RBFOX2: variants seen among roughly 807,000 people sequenced by gnomAD.
The protein encoded by RBFOX2 is RNA binding fox-1 homolog 2, also known as RNA binding protein fox-1 homolog 2.
RBFOX2 carries 10 observed loss-of-function variants against 49.1 expected under a neutral mutation model. The ratio of observed to expected loss-of-function variants is 0.20; its 90% CI spans 0.13 to 0.35. The LOEUF is 0.35. Among genes scored for constraint, RBFOX2 ranks in the 10% least tolerant of loss-of-function variants. The probability of loss-of-function intolerance (pLI) is 1.00; values close to 1 mark genes in which losing one functional copy is unlikely to be tolerated. For synonymous variants in RBFOX2, 183 were observed against 187.4 expected, an observed-to-expected ratio of 0.98 and a Z score of 0.19; for missense variants, 323 against 486.9, an observed-to-expected ratio of 0.66 and a Z score of 3.17.
At chr22:35,957,119 G>A (rs760252662) in intron 1 of RBFOX2, among the ~76,000 whole-genome samples, 3 of 152,162 alleles carry the variant, frequency 2.0e-5, no homozygotes, top group Admixed American at 2.0e-4. Context: ...ACTGATCTAC[G>A]TCTCTGGTAA....
At chr22:36,013,276 A>G (rs2146403542) in intron 1 of RBFOX2, among the ~76,000 whole-genome samples, 1 of 152,272 alleles carries the variant, frequency 6.6e-6, no homozygotes, top group Admixed American at 6.5e-5. Flanking sequence ...CTCTAAAAGA[A>G]AAAGATTGTT....
chr22:35,942,644 C>T (rs201578049), upstream of RBFOX2, among the ~76,000 whole-genome samples: 8 of 149,638 alleles, frequency 5.3e-5, no homozygotes, highest in East Asian at 1.2e-3. Context: ...TGGCTAGCTA[C>T]ACAGAAGGCT....
intron 1 of RBFOX2, among the ~76,000 whole-genome samples, chr22:35,817,323 C>T (rs1953318516): frequency 6.6e-6 from 1 of 151,816 alleles, no homozygotes; most frequent in African/African-American, 2.4e-5. Flanking sequence ...ACTAAAAATA[C>T]AAAAACAGCC....
intron 1 of RBFOX2, among the ~76,000 whole-genome samples, chr22:36,005,796 C>T (rs2058597091): frequency 6.6e-6 from 1 of 152,210 alleles, no homozygotes; most frequent in Admixed American, 6.5e-5. Flanking sequence ...TAGAGCCAAT[C>T]GTTTCTCATA....
At chr22:35,851,347 G>T (rs1037254715) in intron 1 of RBFOX2, among the ~76,000 whole-genome samples, 1 of 152,092 alleles carries the variant, frequency 6.6e-6, no homozygotes, top group African/African-American at 2.4e-5. Flanking sequence ...AACATTTATT[G>T]AACATCTATT....
chr22:35,851,083 C>T (rs1240469269), intron 1 of RBFOX2, among the ~76,000 whole-genome samples: 2 of 152,138 alleles, frequency 1.3e-5, no homozygotes, highest in Non-Finnish European at 2.9e-5. Context: ...CTCCATGCCC[C>T]GCCCCCATCA....
chr22:35,797,378 G>A (rs1948976151), intron 2 of RBFOX2, among the ~76,000 whole-genome samples: 1 of 152,110 alleles, frequency 6.6e-6, no homozygotes, highest in South Asian at 2.1e-4. Context: ...CAATCACACA[G>A]TACTTTTCCT....
At chr22:35,891,376 G>T (rs1569462858) in intron 1 of RBFOX2, among the ~76,000 whole-genome samples, 3 of 151,852 alleles carry the variant, frequency 2.0e-5, no homozygotes, top group South Asian at 4.2e-4. Context: ...CTCATGATCC[G>T]CCATCCTCGG....
At chr22:35,972,135 C>T (rs2056912456) in intron 1 of RBFOX2, among the ~76,000 whole-genome samples, 1 of 151,822 alleles carries the variant, frequency 6.6e-6, no homozygotes, top group Non-Finnish European at 1.5e-5. Flanking sequence ...GCCCAGAAAC[C>T]CCCCAAACAG....
chr22:35,831,144 G>A (rs924306049), intron 1 of RBFOX2, among the ~76,000 whole-genome samples: 3 of 152,136 alleles, frequency 2.0e-5, no homozygotes, highest in South Asian at 2.1e-4. Flanking sequence ...ATGGTTTTAC[G>A]TTTTTAAATA....
At chr22:35,989,755 A>C (rs2150102787) in intron 1 of RBFOX2, among the ~76,000 whole-genome samples, 1 of 152,282 alleles carries the variant, frequency 6.6e-6, no homozygotes, top group Non-Finnish European at 1.5e-5. Flanking sequence ...ACGAAGGTAA[A>C]GGAGCTCCAA....
At chr22:35,914,668 C>A (rs748940399) in intron 1 of RBFOX2, among the ~76,000 whole-genome samples, 1 of 152,178 alleles carries the variant, frequency 6.6e-6, no homozygotes, top group Non-Finnish European at 1.5e-5. Context: ...GCTACAGCTC[C>A]GGAGTTGGCT....
chr22:35,974,828 C>G (rs895643744), intron 1 of RBFOX2, among the ~76,000 whole-genome samples: 2 of 152,208 alleles, frequency 1.3e-5, no homozygotes, highest in Non-Finnish European at 2.9e-5. Flanking sequence ...CACTTAAGGG[C>G]AAAGTCCTCC....
At chr22:35,788,830 G>A (rs1449929758) in intron 2 of RBFOX2, among the ~76,000 whole-genome samples, 1 of 152,172 alleles carries the variant, frequency 6.6e-6, no homozygotes, top group African/African-American at 2.4e-5. Context: ...CTTTCAAGAT[G>A]AAAATTAATG....
chr22:35,952,365 A>G (rs2055046625), intron 1 of RBFOX2, among the ~76,000 whole-genome samples: 1 of 152,172 alleles, frequency 6.6e-6, no homozygotes, highest in Non-Finnish European at 1.5e-5. Flanking sequence ...AATTCACTGG[A>G]CCTAGGGTAG....
intron 1 of RBFOX2, chr22:35,898,350 C>T (rs1181870653): frequency 4.5e-6 from 3 of 670,490 alleles, no homozygotes; most frequent in Non-Finnish European, 8.4e-6. Context: ...GCAGTAATGG[C>T]AGAATGTGAC....
exon 3 of RBFOX2, chr22:35,781,602 C>T: frequency 1.2e-6 from 2 of 1,613,784 alleles, no homozygotes; most frequent in Non-Finnish European, 8.5e-7. Flanking sequence ...AGACTTACCC[C>T]AAACATCTGC....
chr22:35,849,770 C>G (rs1220553270), intron 1 of RBFOX2, among the ~76,000 whole-genome samples: 1 of 152,180 alleles, frequency 6.6e-6, no homozygotes, highest in East Asian at 1.9e-4. Flanking sequence ...GCTGGCTCAG[C>G]TGATGAAGTC....
At chr22:35,798,514 C>G (rs1949187160) in intron 2 of RBFOX2, among the ~76,000 whole-genome samples, 1 of 152,192 alleles carries the variant, frequency 6.6e-6, no homozygotes, top group African/African-American at 2.4e-5. Context: ...TTGAATCTCT[C>G]TAAGCCTCAA....
Sources: gnomAD v4.1 joint callset for allele counts (sites outside exome capture counted in the v4.1 genomes callset) on GRCh38, gnomAD v4.1.1 for gene constraint, MANE v1.5 for transcripts, NCBI Gene and HGNC (gene_info 2026-07-23, HGNC 2026-07-21) for gene names.